SLC67A2: variants seen among roughly 807,000 people sequenced by gnomAD.
The protein encoded by SLC67A2 is solute carrier family 67 member 2.
the SLC67A2 span, chr2:102,736,559 GAGCTCCCCGGA>G: frequency 6.8e-6 from 11 of 1,610,900 alleles, no homozygotes; most frequent in Admixed American, 1.0e-4. Flanking sequence ...CACTCCCTGG[GAGCTCCCCGGA>G]AGCTCCAAGA....
the SLC67A2 span, among the ~76,000 whole-genome samples, chr2:102,734,842 T>G: frequency 6.6e-6 from 1 of 152,232 alleles, no homozygotes; most frequent in East Asian, 1.9e-4. Context: ...TTGTGAATAT[T>G]CAAATCTGTA....
At chr2:102,729,488 GA>G in the SLC67A2 span, among the ~76,000 whole-genome samples, 1,425 of 152,244 alleles carry the variant, frequency 9.4e-3, 21 homozygotes, top group African/African-American at 0.032. Context: ...CAAATAAAGA[GA>G]AAAGGTGTTT....
chr2:102,734,321 T>A, the SLC67A2 span, among the ~76,000 whole-genome samples: 4 of 152,090 alleles, frequency 2.6e-5, no homozygotes, highest in Non-Finnish European at 4.4e-5. Context: ...AGGAAAAAAG[T>A]GGTTGAAATA....
chr2:102,715,222 A>C, the SLC67A2 span, among the ~76,000 whole-genome samples: 2 of 152,120 alleles, frequency 1.3e-5, no homozygotes, highest in Non-Finnish European at 2.9e-5. Context: ...TCTTCACAGC[A>C]CTTTACCGCA....
chr2:102,726,930 T>A, the SLC67A2 span: 1 of 1,612,702 alleles, frequency 6.2e-7, no homozygotes, highest in Non-Finnish European at 8.5e-7. Context: ...GTAGAATGCA[T>A]GCCAGCAAGG....
At chr2:102,736,843 A>AGCC in the SLC67A2 span, 2 of 1,573,104 alleles carry the variant, frequency 1.3e-6, no homozygotes, top group Non-Finnish European at 1.7e-6. Flanking sequence ...ACGCAGCAGC[A>AGCC]GCCGCGGACC....
chr2:102,735,531 T>A, the SLC67A2 span, among the ~76,000 whole-genome samples: 5 of 152,134 alleles, frequency 3.3e-5, no homozygotes, highest in African/African-American at 1.2e-4. Context: ...CCTTCTCCCA[T>A]TGACACTTAT....
the SLC67A2 span, chr2:102,732,334 C>T: frequency 1.2e-6 from 2 of 1,613,244 alleles, no homozygotes; most frequent in Non-Finnish European, 1.7e-6. Flanking sequence ...ACTATTCCAG[C>T]AACTGTTGGA....
At chr2:102,734,353 G>A in the SLC67A2 span, among the ~76,000 whole-genome samples, 2 of 152,094 alleles carry the variant, frequency 1.3e-5, no homozygotes, top group African/African-American at 2.4e-5. Flanking sequence ...CACCATCTAA[G>A]CATCCTAAAC....
At chr2:102,719,749 C>A in the SLC67A2 span, among the ~76,000 whole-genome samples, 1 of 152,196 alleles carries the variant, frequency 6.6e-6, no homozygotes, top group African/African-American at 2.4e-5. Flanking sequence ...AACCAGACTG[C>A]AATATAAGGG....
the SLC67A2 span, among the ~76,000 whole-genome samples, chr2:102,721,009 G>A: frequency 6.6e-6 from 1 of 152,102 alleles, no homozygotes; most frequent in Non-Finnish European, 1.5e-5. Context: ...CTATTCTATT[G>A]GCCCCAGCCT....
chr2:102,718,938 A>C, the SLC67A2 span: 1 of 1,614,242 alleles, frequency 6.2e-7, no homozygotes, highest in Non-Finnish European at 8.5e-7. Context: ...AAGTTACTGT[A>C]GTACAGCATG....
At chr2:102,723,036 G>T in the SLC67A2 span, among the ~76,000 whole-genome samples, 4 of 152,178 alleles carry the variant, frequency 2.6e-5, no homozygotes, top group Non-Finnish European at 4.4e-5. Flanking sequence ...AGTGGCTGAT[G>T]GAAAAACAAA....
chr2:102,718,849 C>G, the SLC67A2 span: 11 of 1,613,992 alleles, frequency 6.8e-6, no homozygotes, highest in Non-Finnish European at 9.3e-6. Flanking sequence ...CGGCCACGGC[C>G]CCCAGCATGC....
chr2:102,733,850 T>C, the SLC67A2 span, among the ~76,000 whole-genome samples: 1 of 152,176 alleles, frequency 6.6e-6, no homozygotes, highest in Non-Finnish European at 1.5e-5. Flanking sequence ...CTGAGCTCTA[T>C]GGAAGGTAAG....
chr2:102,723,753 T>C, the SLC67A2 span: 3 of 1,614,082 alleles, frequency 1.9e-6, no homozygotes, highest in Non-Finnish European at 2.5e-6. Flanking sequence ...ATAAAACCCA[T>C]CCTCTAATTC....
At chr2:102,715,114 G>GC in the SLC67A2 span, among the ~76,000 whole-genome samples, 4 of 152,056 alleles carry the variant, frequency 2.6e-5, no homozygotes, top group Non-Finnish European at 4.4e-5. Context: ...CTCCCTCAGG[G>GC]CCCCCCTAAA....
At chr2:102,722,900 T>C in the SLC67A2 span, among the ~76,000 whole-genome samples, 2 of 152,098 alleles carry the variant, frequency 1.3e-5, no homozygotes, top group Admixed American at 6.5e-5. Flanking sequence ...ATACATCTGA[T>C]AAAGAGTTAA....
the SLC67A2 span, among the ~76,000 whole-genome samples, chr2:102,733,348 A>T: frequency 6.6e-6 from 1 of 152,042 alleles, no homozygotes; most frequent in Non-Finnish European, 1.5e-5. Context: ...AAGAACTCGC[A>T]TGAAATATGT....
Sources: gnomAD v4.1 joint callset for allele counts (sites outside exome capture counted in the v4.1 genomes callset) on GRCh38, gnomAD v4.1.1 for gene constraint, MANE v1.5 for transcripts, NCBI Gene and HGNC (gene_info 2026-07-23, HGNC 2026-07-21) for gene names.